Variants in LRRTM3 observed in about 807,000 individuals in gnomAD.
The protein encoded by LRRTM3 is leucine-rich repeat transmembrane neuronal protein 3.
In LRRTM3, 24 loss-of-function variants were observed where a neutral mutation model predicts 44.7. That is an observed-to-expected ratio of 0.54 (90% CI 0.39 to 0.76). The LOEUF (loss-of-function observed/expected upper bound fraction) is 0.76, where lower values mean the gene tolerates loss of function less well. LRRTM3 is among the 30% of genes least tolerant of loss of function. The pLI is 0.00. For missense variants in LRRTM3, 587 were observed against 702.2 expected (o/e 0.84, Z 1.85); for synonymous variants, 277 against 278.7 (o/e 0.99, Z 0.06).
At chr10:67,000,074 T>C (rs937242528) in intron 2 of LRRTM3, among the ~76,000 whole-genome samples, 1 of 152,204 alleles carries the variant, frequency 6.6e-6, no homozygotes, top group Non-Finnish European at 1.5e-5. Context: ...GAAATGATCA[T>C]GATAGCATTT....
chr10:66,937,960 TCA>T (rs1202317653), intron 2 of LRRTM3, among the ~76,000 whole-genome samples: 1 of 152,140 alleles, frequency 6.6e-6, no homozygotes, highest in Non-Finnish European at 1.5e-5. Context: ...GGGGTTTGTA[TCA>T]CGATTTGAGG....
intron 2 of LRRTM3, among the ~76,000 whole-genome samples, chr10:66,934,651 AAAACAAAGTATAGGACTTTATGTAT>A (rs1847590171): frequency 1.3e-5 from 2 of 152,158 alleles, no homozygotes; most frequent in African/African-American, 4.8e-5. Flanking sequence ...TAATTCCTAG[AAAACAAAGTATAGGACTTTATGTAT>A]AGGGGTACTC....
At chr10:67,041,276 G>A (rs1854377305) in intron 2 of LRRTM3, among the ~76,000 whole-genome samples, 1 of 152,108 alleles carries the variant, frequency 6.6e-6, no homozygotes, top group South Asian at 2.1e-4. Flanking sequence ...CTTGAATGTT[G>A]AACTATGCTT....
chr10:66,959,240 TAG>T (rs1386549985), intron 2 of LRRTM3, among the ~76,000 whole-genome samples: 1 of 152,188 alleles, frequency 6.6e-6, no homozygotes, highest in Non-Finnish European at 1.5e-5. Context: ...TTCCTCTCTA[TAG>T]AATTTCATGT....
rs1226227703 is a variant in LRRTM3 at position 67,036,275 on chromosome 10, C to T, written c.1537-61312C>T. ...TCAAGAGATCCTCCACCACACCCAG[C>T]TTTTTTTTTTTGAGACAGAGTTTTG... On this transcript the variant is annotated intron_variant, in intron 2 of 2. Transcript: ENST00000361320. 3.4e-5 allele frequency among the ~76,000 whole-genome samples: 5 copies of T among 145,544 alleles called. No homozygotes were observed. In the East Asian group the frequency reaches 7.9e-4, roughly 23 times the overall value.
Position 66,937,504 on chromosome 10 carries a change from ATT to A in LRRTM3, c.1536+9053_1536+9054del, listed in dbSNP as rs1419042010. On this transcript the variant is annotated intron_variant, in intron 2 of 2. Coordinates refer to ENST00000361320, the MANE Select transcript of LRRTM3 (RefSeq NM_178011.5). Reference sequence around the variant, plus strand: ...TACCACAATGCGCTTTGAAAGTCATATTACACTACCTATTTTTATTTTGAATA... The same window carrying A: ...TACCACAATGCGCTTTGAAAGTCATAACACTACCTATTTTTATTTTGAATA... Among the ~76,000 whole-genome samples the A allele has an allele frequency of 2.0e-5, 3 of 152,256 alleles. No individual in the cohort carries two copies. The South Asian group carries it at 6.2e-4, about 32-fold the overall frequency.
At chr10:67,076,506 C>T (rs1380433876) in intron 2 of LRRTM3, among the ~76,000 whole-genome samples, 2 of 152,144 alleles carry the variant, frequency 1.3e-5, no homozygotes, top group Non-Finnish European at 2.9e-5. Flanking sequence ...CATCAGAATG[C>T]CAAGCCCTTC....
chr10:67,048,716 T>C (rs1332989215), intron 2 of LRRTM3, among the ~76,000 whole-genome samples: 1 of 152,056 alleles, frequency 6.6e-6, no homozygotes, highest in Non-Finnish European at 1.5e-5. Context: ...CAAAAACAGG[T>C]ACATGATAAA....
At chr10:67,056,116 A>C (rs1394746915) in intron 2 of LRRTM3, among the ~76,000 whole-genome samples, 2 of 152,118 alleles carry the variant, frequency 1.3e-5, no homozygotes, top group African/African-American at 4.8e-5. Context: ...GAGAAAATAA[A>C]AGGGTAGTCT....
chr10:67,050,634 T>C (rs1855030313), intron 2 of LRRTM3, among the ~76,000 whole-genome samples: 1 of 152,186 alleles, frequency 6.6e-6, no homozygotes, highest in South Asian at 2.1e-4. Context: ...CTGAGGCTGA[T>C]GTGATTGCCC....
At chr10:66,994,856 T>A (rs1243589328) in intron 2 of LRRTM3, among the ~76,000 whole-genome samples, 4 of 152,154 alleles carry the variant, frequency 2.6e-5, no homozygotes, top group Non-Finnish European at 5.9e-5. Flanking sequence ...TTATTTAAAA[T>A]CTGCCAAATG....
intron 2 of LRRTM3, among the ~76,000 whole-genome samples, chr10:67,065,598 A>T (rs1035527517): frequency 6.6e-6 from 1 of 152,128 alleles, no homozygotes; most frequent in African/African-American, 2.4e-5. Flanking sequence ...GCATTCTAAC[A>T]TGAAGGAAGT....
At chr10:66,942,096 A>T (rs1426261267) in intron 2 of LRRTM3, among the ~76,000 whole-genome samples, 2 of 152,184 alleles carry the variant, frequency 1.3e-5, no homozygotes, top group East Asian at 3.9e-4. Flanking sequence ...TTCATGTCCC[A>T]GCACAATTTT....
intron 2 of LRRTM3, among the ~76,000 whole-genome samples, chr10:67,018,459 T>C (rs1286806526): frequency 6.6e-6 from 1 of 152,226 alleles, no homozygotes; most frequent in Non-Finnish European, 1.5e-5. Context: ...ACATGATATT[T>C]GATTAAATTA....
intron 2 of LRRTM3, among the ~76,000 whole-genome samples, chr10:67,005,636 G>A (rs1257662536): frequency 7.5e-6 from 1 of 134,112 alleles, no homozygotes; most frequent in Non-Finnish European, 1.6e-5. Context: ...ATCTCTAAAT[G>A]TAACAAGCAA....
At chr10:66,981,043 T>A (rs900449920) in intron 2 of LRRTM3, among the ~76,000 whole-genome samples, 23 of 152,112 alleles carry the variant, frequency 1.5e-4, no homozygotes, top group African/African-American at 5.3e-4. Flanking sequence ...AGTAGCTGGA[T>A]TACAGGCATG....
chr10:67,072,625 C>T (rs1345304646), intron 2 of LRRTM3, among the ~76,000 whole-genome samples: 1 of 152,090 alleles, frequency 6.6e-6, no homozygotes, highest in South Asian at 2.1e-4. Context: ...GTAGTCTTCC[C>T]CTTGTTTATC....
intron 2 of LRRTM3, among the ~76,000 whole-genome samples, chr10:66,964,688 A>C (rs940476590): frequency 1.3e-5 from 2 of 152,130 alleles, no homozygotes; most frequent in Non-Finnish European, 2.9e-5. Flanking sequence ...AATTATACCT[A>C]CAGCCTGCAC....
intron 2 of LRRTM3, among the ~76,000 whole-genome samples, chr10:67,012,045 G>T (rs1398165132): frequency 6.6e-6 from 1 of 152,148 alleles, no homozygotes; most frequent in Non-Finnish European, 1.5e-5. Context: ...GAAACTTAAA[G>T]AAATTATGGT....
Sources: gnomAD v4.1 joint callset for allele counts (sites outside exome capture counted in the v4.1 genomes callset) on GRCh38, gnomAD v4.1.1 for gene constraint, MANE v1.5 for transcripts, NCBI Gene and HGNC (gene_info 2026-07-23, HGNC 2026-07-21) for gene names.